Variants in ULK4 observed in about 807,000 individuals in gnomAD.
The protein encoded by ULK4 is inactive serine/threonine-protein kinase ULK4.
In ULK4, 133 loss-of-function variants were observed where a neutral mutation model predicts 160.6. The observed-to-expected ratio is 0.83, with a 90% CI of 0.72 to 0.96. The LOEUF (loss-of-function observed/expected upper bound fraction) is 0.96, where lower values mean the gene tolerates loss of function less well. Ranked by LOEUF, ULK4 falls within the 40% of genes least tolerant of loss-of-function variation. The pLI, the probability that ULK4 is intolerant of heterozygous loss-of-function variation, is 0.00. For synonymous variants in ULK4, 534 were observed against 539.8 expected (o/e 0.99, Z 0.15); for missense variants, 1,580 against 1,499.5 (o/e 1.05, Z -0.89).
intron 30 of ULK4, among the ~76,000 whole-genome samples, chr3:41,654,937 T>G (rs963628335): frequency 6.6e-6 from 1 of 152,222 alleles, no homozygotes; most frequent in Non-Finnish European, 1.5e-5. Context: ...GAGACTGACT[T>G]GCTTCTCACT....
chr3:41,377,408 A>G (rs2081529232), intron 35 of ULK4, among the ~76,000 whole-genome samples: 2 of 151,162 alleles, frequency 1.3e-5, no homozygotes, highest in East Asian at 3.9e-4. Context: ...CTGCACAGCA[A>G]AAGAAACTAC....
intron 17 of ULK4, among the ~76,000 whole-genome samples, chr3:41,849,731 A>T (rs1002068481): frequency 9.2e-5 from 14 of 152,206 alleles, no homozygotes; most frequent in African/African-American, 3.4e-4. Context: ...GGAAGGCTGT[A>T]CATGTGTGAG....
intron 22 of ULK4, 64 bp downstream of exon 22, chr3:41,754,297 A>C: frequency 2.6e-6 from 4 of 1,537,652 alleles, no homozygotes; most frequent in Non-Finnish European, 3.5e-6. Context: ...GAAATACCCT[A>C]CAACTACTAA....
chr3:41,510,579 A>C (rs2085536155), intron 32 of ULK4, among the ~76,000 whole-genome samples: 1 of 152,228 alleles, frequency 6.6e-6, no homozygotes, highest in Non-Finnish European at 1.5e-5. Context: ...CCATATGATA[A>C]AGCACAAAAT....
intron 30 of ULK4, among the ~76,000 whole-genome samples, chr3:41,647,606 C>G (rs985931351): frequency 2.0e-5 from 3 of 152,174 alleles, no homozygotes; most frequent in Non-Finnish European, 2.9e-5. Context: ...TGCCCCTACT[C>G]GGGGGTGCCT....
rs568208562 is a variant in ULK4 at position 41,861,349 on chromosome 3, C to A, written c.1656+22525G>T. Among the ~76,000 whole-genome samples the A allele has an allele frequency of 3.3e-5, 5 of 152,246 alleles. No individual in the cohort carries two copies. In the East Asian group the frequency reaches 5.8e-4, roughly 18 times the overall value. Reference sequence around the variant, plus strand: ...CAGGTCTGGTATTAATGAAATCCCTCAGGTTTTGTTTGTCTGGGAGAGTCT... The same window carrying A: ...CAGGTCTGGTATTAATGAAATCCCTAAGGTTTTGTTTGTCTGGGAGAGTCT... On this transcript the variant is annotated intron_variant, in intron 17 of 36. Transcript: ENST00000301831.
intron 34 of ULK4, among the ~76,000 whole-genome samples, chr3:41,440,207 G>T (rs917420413): frequency 2.6e-5 from 4 of 152,066 alleles, no homozygotes; most frequent in African/African-American, 7.2e-5. Context: ...TTGTTTGATT[G>T]CACTGGCAGG....
intron 35 of ULK4, among the ~76,000 whole-genome samples, chr3:41,378,371 T>A (rs2081562390): frequency 6.6e-6 from 1 of 150,626 alleles, no homozygotes. Context: ...ACTTAAAGTA[T>A]AATAATAAAA....
chr3:41,884,686 A>G (rs1384769210), intron 16 of ULK4, among the ~76,000 whole-genome samples: 1 of 152,178 alleles, frequency 6.6e-6, no homozygotes, highest in Non-Finnish European at 1.5e-5. Flanking sequence ...ATTTTTTACC[A>G]TCTTAAAATA....
intron 1 of ULK4, among the ~76,000 whole-genome samples, chr3:41,959,055 C>T (rs1700579426): frequency 6.6e-6 from 1 of 151,412 alleles, no homozygotes. Flanking sequence ...TGGCGAAACC[C>T]CATCTCTACT....
chr3:41,253,493 TA>T (rs962209767), intron 35 of ULK4, among the ~76,000 whole-genome samples: 1 of 150,886 alleles, frequency 6.6e-6, no homozygotes, highest in Non-Finnish European at 1.5e-5. Flanking sequence ...AGCAACCACT[TA>T]AAAAAATTAT....
intron 32 of ULK4, among the ~76,000 whole-genome samples, chr3:41,510,264 G>T (rs1172676242): frequency 6.6e-6 from 1 of 152,160 alleles, no homozygotes; most frequent in Non-Finnish European, 1.5e-5. Flanking sequence ...AAGAGGACTA[G>T]TACAACAGGA....
chr3:41,633,133 C>A (rs553905196), intron 30 of ULK4, among the ~76,000 whole-genome samples: 1 of 152,312 alleles, frequency 6.6e-6, no homozygotes, highest in South Asian at 2.1e-4. Flanking sequence ...TAAGCCACAG[C>A]GGATCACAGA....
At chr3:41,432,100 T>C (rs1324709341) in intron 34 of ULK4, among the ~76,000 whole-genome samples, 1 of 152,158 alleles carries the variant, frequency 6.6e-6, no homozygotes, top group African/African-American at 2.4e-5. Context: ...CACAGCTCCA[T>C]GCTATTACGT....
At chr3:41,306,062 A>G (rs189903273) in intron 35 of ULK4, among the ~76,000 whole-genome samples, 19,112 of 134,810 alleles carry the variant, frequency 0.14, 1,653 homozygotes, top group African/African-American at 0.23. Context: ...CTCTCCGCCC[A>G]GCAGCCACCC....
chr3:41,330,926 T>A (rs2080429249), intron 35 of ULK4, among the ~76,000 whole-genome samples: 2 of 152,202 alleles, frequency 1.3e-5, no homozygotes, highest in African/African-American at 4.8e-5. Flanking sequence ...CTGGGTGTCA[T>A]GTGAGATCTG....
At chr3:41,640,441 C>G (rs1281498402) in intron 30 of ULK4, among the ~76,000 whole-genome samples, 2 of 152,096 alleles carry the variant, frequency 1.3e-5, no homozygotes, top group Non-Finnish European at 2.9e-5. Flanking sequence ...GCTTTCATGC[C>G]ATCTCCAAAA....
chr3:41,690,186 C>T (rs1290400685), intron 27 of ULK4, among the ~76,000 whole-genome samples: 2 of 148,904 alleles, frequency 1.3e-5, no homozygotes, highest in Non-Finnish European at 3.0e-5. Context: ...TAAACTATCG[C>T]AAGAACAAAA....
At chr3:41,843,077 TA>T (rs1386894601) in intron 17 of ULK4, among the ~76,000 whole-genome samples, 2 of 152,052 alleles carry the variant, frequency 1.3e-5, no homozygotes, top group Non-Finnish European at 2.9e-5. Context: ...ATAAACCTTC[TA>T]GAAGAAAATA....
Sources: gnomAD v4.1 joint callset for allele counts (sites outside exome capture counted in the v4.1 genomes callset) on GRCh38, gnomAD v4.1.1 for gene constraint, MANE v1.5 for transcripts, NCBI Gene and HGNC (gene_info 2026-07-23, HGNC 2026-07-21) for gene names.